LUC7L: variants seen among roughly 807,000 people sequenced by gnomAD.
LUC7L encodes the protein LUC7 like, also known as putative RNA-binding protein Luc7-like 1.
Under a neutral mutation model 51.1 loss-of-function variants are expected in LUC7L, and 29 were observed. That is an observed-to-expected ratio of 0.57 (90% CI 0.42 to 0.77). The LOEUF is 0.77. Ranked by LOEUF, LUC7L falls within the 30% of genes least tolerant of loss-of-function variation. The pLI is 0.00. For synonymous variants in LUC7L, 181 were observed against 180.7 expected (o/e 1.00, Z -0.01); for missense variants, 403 against 511.9 (o/e 0.79, Z 2.05).
intron 1 of LUC7L, chr16:228,647 T>C: frequency 8.5e-7 from 1 of 1,181,870 alleles, no homozygotes; most frequent in South Asian, 1.6e-5. Context: ...GCAACCGCTT[T>C]CTCCTGTGAC....
intron 1 of LUC7L, chr16:227,578 A>C (rs979663240): frequency 7.6e-7 from 1 of 1,323,642 alleles, no homozygotes; most frequent in Non-Finnish European, 9.7e-7. Flanking sequence ...GTACCAAAGA[A>C]GTCAAGGAGT....
chr16:191,087 CACAG>C (rs1298657964), intron 7 of LUC7L, among the ~76,000 whole-genome samples: 15 of 152,130 alleles, frequency 9.9e-5, no homozygotes, highest in African/African-American at 3.1e-4. Flanking sequence ...ACCTGAGCCT[CACAG>C]ACAGGCCCAC....
chr16:208,241 CT>C, intron 3 of LUC7L, 53 bp from the exon 4 acceptor site: 1 of 1,323,408 alleles, frequency 7.6e-7, no homozygotes, highest in Non-Finnish European at 1.1e-6. Flanking sequence ...AGCGTAAAGT[CT>C]TAGAACCCAT....
At chr16:228,516 C>T in intron 1 of LUC7L, 2 of 1,219,930 alleles carry the variant, frequency 1.6e-6, no homozygotes, top group Non-Finnish European at 2.1e-6. Context: ...ACTTATTCAC[C>T]TATGAAATAA....
rs55711708 is a variant in LUC7L, at chr16:199,860, C to A, written c.511-622G>T. On this transcript the variant is annotated intron_variant, in intron 5 of 9. Transcript: ENST00000293872. ...CAAAAATCAGCTGGGTGTGGTGGCACATGCCTGTAGTCCCAGCTACTCAGG... is the reference window on the plus strand; with the variant it reads ...CAAAAATCAGCTGGGTGTGGTGGCAAATGCCTGTAGTCCCAGCTACTCAGG... Among the ~76,000 whole-genome samples the A allele has an allele frequency of 7.2e-3, 1,085 of 151,070 alleles. 18 individuals carry two copies. The highest frequency in any genetic ancestry group is 0.025 in the African/African-American group (1,016 of 41,206).
intron 2 of LUC7L, among the ~76,000 whole-genome samples, chr16:221,958 A>G (rs2049982082): frequency 6.6e-6 from 1 of 152,076 alleles, no homozygotes; most frequent in Admixed American, 6.6e-5. Context: ...TGCTCTACAC[A>G]TTTTCTTAGC....
chr16:193,794 C>T (rs916100946), intron 6 of LUC7L, among the ~76,000 whole-genome samples: 43 of 147,876 alleles, frequency 2.9e-4, no homozygotes, highest in African/African-American at 7.5e-4. Context: ...CACCCGGCCT[C>T]GTTTACATTT....
chr16:218,112 G>T (rs2049859610), intron 3 of LUC7L, among the ~76,000 whole-genome samples: 1 of 151,458 alleles, frequency 6.6e-6, no homozygotes, highest in Admixed American at 6.6e-5. Context: ...AGAATCGCTT[G>T]AACCCAGGAG....
At chr16:207,735 C>T (rs186578100) in intron 4 of LUC7L, among the ~76,000 whole-genome samples, 13 of 152,234 alleles carry the variant, frequency 8.5e-5, no homozygotes, top group African/African-American at 2.4e-4. Context: ...CAACGCCGGG[C>T]GCGGTGGCTC....
At chr16:205,880 T>C in intron 5 of LUC7L, 124 bp downstream of exon 5, 1 of 1,166,424 alleles carries the variant, frequency 8.6e-7, no homozygotes, top group Non-Finnish European at 1.2e-6. Context: ...TGAGCCACTG[T>C]GCTGGGCCCA....
rs568149947 is a variant in LUC7L at position 195,738 on chromosome 16, T to A, written c.688-2723A>T. ...ACACCCAGCCTCAAGGATGGCAGTT[T>A]TTAAAAAAATTAAGGATTAGCCAGG... is the stretch of plus-strand genomic sequence containing the variant. On this transcript the variant is annotated intron_variant, in intron 6 of 9. Transcript: ENST00000293872. Among the ~76,000 whole-genome samples, 14 of 152,236 alleles carry A rather than the reference T, an allele frequency of 9.2e-5. No individual in the cohort carries two copies. In the South Asian group the frequency reaches 2.7e-3, roughly 29 times the overall value.
At chr16:222,990 T>C (rs567821120) in intron 2 of LUC7L, among the ~76,000 whole-genome samples, 2 of 150,814 alleles carry the variant, frequency 1.3e-5, no homozygotes, top group Admixed American at 1.3e-4. Context: ...GCTTTAAACC[T>C]TTAATCCATC....
intron 2 of LUC7L, among the ~76,000 whole-genome samples, chr16:221,476 CG>C (rs2049968010): frequency 1.3e-5 from 2 of 151,988 alleles, no homozygotes; most frequent in South Asian, 4.2e-4. Context: ...GTGAGGCAGG[CG>C]GATCACTTGA....
At chr16:190,445 C>T (rs1012676461) in intron 8 of LUC7L, 96 bp downstream of exon 8, 2 of 1,314,418 alleles carry the variant, frequency 1.5e-6, no homozygotes, top group African/African-American at 2.9e-5. Flanking sequence ...GCCCTACCTG[C>T]CAGGTAACAT....
At chr16:220,280 T>C (rs557177375) in intron 3 of LUC7L, 2 of 160,930 alleles carry the variant, frequency 1.2e-5, no homozygotes, top group African/African-American at 4.8e-5. Context: ...CAATGAAAAC[T>C]ATATGCAACA....
chr16:189,409 G>A (rs934736636), intron 9 of LUC7L, 70 bp from the exon 10 acceptor site: 20 of 1,528,544 alleles, frequency 1.3e-5, no homozygotes, highest in Non-Finnish European at 1.4e-5. Flanking sequence ...AGGCACTGAC[G>A]ATGGACCCGC....
intron 2 of LUC7L, among the ~76,000 whole-genome samples, chr16:225,729 C>G (rs973434901): frequency 2.6e-5 from 4 of 151,506 alleles, no homozygotes; most frequent in African/African-American, 4.8e-5. Flanking sequence ...AGGTGATCCA[C>G]CCGCCTCGGC....
intron 2 of LUC7L, among the ~76,000 whole-genome samples, chr16:225,775 G>A (rs1054981009): frequency 5.3e-5 from 8 of 150,156 alleles, no homozygotes; most frequent in African/African-American, 2.0e-4. Flanking sequence ...GTGAGCCACC[G>A]CACCCAGCCT....
At chr16:194,640 G>C (rs1454819732) in intron 6 of LUC7L, among the ~76,000 whole-genome samples, 1 of 152,190 alleles carries the variant, frequency 6.6e-6, no homozygotes, top group Non-Finnish European at 1.5e-5. Context: ...GCTGGCTTTA[G>C]AACAAACTGA....
Sources: gnomAD v4.1 joint callset for allele counts (sites outside exome capture counted in the v4.1 genomes callset) on GRCh38, gnomAD v4.1.1 for gene constraint, MANE v1.5 for transcripts, NCBI Gene and HGNC (gene_info 2026-07-23, HGNC 2026-07-21) for gene names.